The following USP45 variants were observed in gnomAD, a reference collection of about 807,000 sequenced individuals.
The protein encoded by USP45 is ubiquitin carboxyl-terminal hydrolase 45.
A neutral mutation model predicts 95.8 loss-of-function variants in USP45; 89 were observed. The observed-to-expected ratio is 0.93, with a 90% confidence interval of 0.78 to 1.11. The LOEUF is 1.11. Among genes scored for constraint, USP45 ranks in the 50% least tolerant of loss-of-function variants. USP45 has a pLI of 0.00. For missense variants in USP45, 898 were observed against 942.5 expected, an observed-to-expected ratio of 0.95 and a Z score of 0.62; for synonymous variants, 281 against 316.2, an observed-to-expected ratio of 0.89 and a Z score of 1.18.
intron 5 of USP45, among the ~76,000 whole-genome samples, chr6:99,503,396 G>A (rs1412728765): frequency 1.3e-5 from 2 of 150,698 alleles, no homozygotes; most frequent in African/African-American, 4.9e-5. Flanking sequence ...GCATGTTCTT[G>A]GCTCACTGCA....
rs1481797126 is a variant in USP45, at chr6:99,437,417, A to T, written c.2161-18T>A. The T allele has an allele frequency of 6.4e-7, 1 of 1,570,370 alleles. No homozygotes were observed. The highest frequency in any genetic ancestry group is 8.6e-7 in the Non-Finnish European group (1 of 1,165,518). On this transcript the variant is annotated intron_variant, in intron 16 of 17. Coordinates refer to ENST00000500704, the MANE Select transcript of USP45 (RefSeq NM_001346022.3). Reference sequence around the variant, plus strand: ...CTTGCATTCTTTTAAACAAAGAAAAAAACCCAAATTAGTAATATTTGTTAA... The same window carrying T: ...CTTGCATTCTTTTAAACAAAGAAAATAACCCAAATTAGTAATATTTGTTAA...
intron 5 of USP45, among the ~76,000 whole-genome samples, chr6:99,489,085 G>A (rs1174943522): frequency 6.6e-6 from 1 of 152,052 alleles, no homozygotes; most frequent in East Asian, 1.9e-4. Context: ...AAATGTAAAA[G>A]AACAGTCGAG....
At chr6:99,464,579 G>A (rs770276855) in intron 13 of USP45, 25 bp downstream of exon 13, 13 of 1,594,800 alleles carry the variant, frequency 8.2e-6, no homozygotes, top group Admixed American at 7.3e-5. Flanking sequence ...AAAAACAGAC[G>A]TCTAACAGAT....
rs2128844651 is a variant in USP45, at chr6:99,515,421, C to T, written c.-40G>A. Reference sequence around the variant, plus strand: ...CCGGGCCGGGCCGCAGCGTCTACAACCTGGGGAGACTGCGCCTGCGCGCTC... The same window carrying T: ...CCGGGCCGGGCCGCAGCGTCTACAATCTGGGGAGACTGCGCCTGCGCGCTC... On this transcript the variant is annotated 5_prime_UTR_variant, in exon 1 of 18. Transcript: ENST00000500704. 6.6e-6 allele frequency: 1 copy of T among 152,440 alleles called. No homozygotes were observed. The highest frequency in any genetic ancestry group is 1.9e-4 in the East Asian group (1 of 5,180). 9.4% of individuals were successfully genotyped at this position (152,440 alleles called of 1,614,324 possible). A position where few individuals can be genotyped will look rare whatever the true frequency, so the allele number is the denominator to read the frequency against.
chr6:99,456,586 A>G (rs572557753), intron 13 of USP45, among the ~76,000 whole-genome samples: 2 of 152,202 alleles, frequency 1.3e-5, no homozygotes, highest in Non-Finnish European at 2.9e-5. Flanking sequence ...AACATAAATC[A>G]TAAAGATTGC....
At chr6:99,511,890 C>CAT (rs1172101589) in intron 1 of USP45, among the ~76,000 whole-genome samples, 2 of 131,200 alleles carry the variant, frequency 1.5e-5, no homozygotes, top group Admixed American at 7.7e-5. Context: ...TATATATACA[C>CAT]ATAGTTGAAC....
chr6:99,456,992 C>T (rs1468263148), intron 13 of USP45, among the ~76,000 whole-genome samples: 2 of 152,126 alleles, frequency 1.3e-5, no homozygotes, highest in Non-Finnish European at 1.5e-5. Flanking sequence ...TGGGCGTAGC[C>T]GTCTCTTATG....
chr6:99,506,373 C>T (rs1254059770), intron 4 of USP45, among the ~76,000 whole-genome samples: 1 of 152,184 alleles, frequency 6.6e-6, no homozygotes. Flanking sequence ...ATCACCCAGG[C>T]TGGAGTGCAG....
At chr6:99,501,951 CT>C in intron 5 of USP45, 1 of 1,301,210 alleles carries the variant, frequency 7.7e-7, no homozygotes, top group Non-Finnish European at 1.0e-6. Flanking sequence ...AACAAACTGA[CT>C]CACTGTGGGC....
chr6:99,489,173 T>C (rs1408429917), intron 5 of USP45, among the ~76,000 whole-genome samples: 1 of 152,188 alleles, frequency 6.6e-6, no homozygotes, highest in Non-Finnish European at 1.5e-5. Flanking sequence ...AAAGGCTGAT[T>C]CTTAACCCAG....
intron 13 of USP45, among the ~76,000 whole-genome samples, chr6:99,449,137 ACAT>A (rs139175146): frequency 0.31 from 47,112 of 151,626 alleles, 7,407 homozygotes; most frequent in East Asian, 0.47. Flanking sequence ...TAACCAGCTA[ACAT>A]CATGACAGGA....
chr6:99,498,610 A>G (rs1356799081), intron 5 of USP45, among the ~76,000 whole-genome samples: 1 of 152,252 alleles, frequency 6.6e-6, no homozygotes, highest in Non-Finnish European at 1.5e-5. Flanking sequence ...CAAATGTGCT[A>G]CAGTTCAGCA....
chr6:99,440,249 A>T (rs1781270036), intron 15 of USP45, among the ~76,000 whole-genome samples: 1 of 152,232 alleles, frequency 6.6e-6, no homozygotes, highest in African/African-American at 2.4e-5. Flanking sequence ...GATTCCATAT[A>T]TAAAAGGATG....
chr6:99,476,064 CG>C (rs1790768375), intron 9 of USP45, 78 bp downstream of exon 9: 3 of 1,330,256 alleles, frequency 2.3e-6, no homozygotes, highest in Non-Finnish European at 1.1e-6. Flanking sequence ...TGATCCACCC[CG>C]CCTTGGCCCC....
chr6:99,498,852 T>C (rs1162618254), intron 5 of USP45, among the ~76,000 whole-genome samples: 1 of 152,248 alleles, frequency 6.6e-6, no homozygotes, highest in African/African-American at 2.4e-5. Context: ...AAGAGTCTTA[T>C]AAAAATGCAA....
chr6:99,461,106 T>TAA (rs540124746), intron 13 of USP45: 1 of 946,496 alleles, frequency 1.1e-6, no homozygotes, highest in Non-Finnish European at 1.3e-6. Flanking sequence ...TTTTATGAAA[T>TAA]AAAAAAAAAA....
At position 99,476,008 on chromosome 6, in the gene USP45, G is replaced by A. The variant is rs928124075; in HGVS notation, c.933+135C>T. 3.8e-5 allele frequency: 25 copies of A among 658,576 alleles called. No homozygotes were observed. The Middle Eastern group carries it at 8.3e-4, about 22-fold the overall frequency. 40.8% of individuals were successfully genotyped at this position (658,576 alleles called of 1,614,324 possible). On this transcript the variant is annotated intron_variant, in intron 9 of 17. Coordinates refer to ENST00000500704, the MANE Select transcript of USP45 (RefSeq NM_001346022.3). The stretch of plus-strand genomic sequence containing the variant: ...CGCGGCTAATTTTTATTAGAGACGA[G>A]GTTTCACTATGTTGGCTAGGCTGGT...
rs1212316899 is a variant in USP45 at position 99,465,141 on chromosome 6, A to G, written c.1108-5T>C. 5 of 1,586,842 alleles carry G rather than the reference A, an allele frequency of 3.2e-6. No homozygotes were observed. The highest frequency in any genetic ancestry group is 1.7e-5 in the Admixed American group (1 of 58,666). ...TGGATCTTTCACCGTGGAGATCTTA[A>G]AAGGAAAACACATTGAAAACTTCAG... On this transcript the variant is annotated splice_polypyrimidine_tract_variant and splice_region_variant and intron_variant, in intron 11 of 17. Coordinates refer to ENST00000500704, the MANE Select transcript of USP45 (RefSeq NM_001346022.3).
At chr6:99,485,253 G>A (rs1375930759) in intron 7 of USP45, among the ~76,000 whole-genome samples, 3 of 151,720 alleles carry the variant, frequency 2.0e-5, no homozygotes, top group Non-Finnish European at 2.9e-5. Flanking sequence ...GCTGAGGCAA[G>A]AGAACTGCTT....
Sources: gnomAD v4.1 joint callset for allele counts (sites outside exome capture counted in the v4.1 genomes callset) on GRCh38, gnomAD v4.1.1 for gene constraint, MANE v1.5 for transcripts, NCBI Gene and HGNC (gene_info 2026-07-23, HGNC 2026-07-21) for gene names.